The following CRB1 variants were observed in gnomAD, a reference collection of about 807,000 sequenced individuals.
CRB1 encodes crumbs cell polarity complex component 1.
CRB1 carries 83 observed loss-of-function variants against 120.0 expected under a neutral mutation model. That is an observed-to-expected ratio of 0.69 (90% CI 0.58 to 0.83). The LOEUF is 0.83. Among genes scored for constraint, CRB1 ranks in the 40% least tolerant of loss-of-function variants. The probability of loss-of-function intolerance (pLI) is 0.00; values close to 1 mark genes in which losing one functional copy is unlikely to be tolerated. For synonymous variants in CRB1, 625 were observed against 612.5 expected (o/e 1.02, Z -0.30); for missense variants, 1,699 against 1,687.6 (o/e 1.01, Z -0.12).
At chr1:197,451,889 T>C (rs573315291) in intron 11 of CRB1, among the ~76,000 whole-genome samples, 1 of 152,330 alleles carries the variant, frequency 6.6e-6, no homozygotes, top group East Asian at 1.9e-4. Context: ...CCACTACATA[T>C]GCCACTGAAA....
At chr1:197,202,162 A>G in the CRB1 span, among the ~76,000 whole-genome samples, 70 of 152,244 alleles carry the variant, frequency 4.6e-4, no homozygotes, top group Non-Finnish European at 8.2e-4. Context: ...CGTCCCTCCC[A>G]TACACATACA....
At chr1:197,347,308 G>T (rs1659832181) in intron 3 of CRB1, 32 bp from the exon 4 acceptor site, 1 of 1,598,674 alleles carries the variant, frequency 6.3e-7, no homozygotes, top group African/African-American at 1.3e-5. Context: ...ATATGACTAA[G>T]AGTTGACATG....
chr1:197,221,589 G>A, the CRB1 span, among the ~76,000 whole-genome samples: 37 of 152,096 alleles, frequency 2.4e-4, no homozygotes, highest in Non-Finnish European at 5.9e-5. Flanking sequence ...TTTGCCTGAC[G>A]AATTTAAAAA....
rs78845857 is a variant in CRB1, at chr1:197,275,735, G to T, written c.70+7253G>T. On this transcript the variant is annotated intron_variant, in intron 1 of 11. Coordinates refer to ENST00000367400, the MANE Select transcript of CRB1 (RefSeq NM_201253.3). ...CAAATAGTTTAGCTGTCTTCCATAT[G>T]TGAATGTTCAATTTTTTAACCTACT... Among the ~76,000 whole-genome samples the T allele has an allele frequency of 7.1e-3, 1,078 of 152,042 alleles. 16 individuals carry two copies. The highest frequency in any genetic ancestry group is 0.022 in the African/African-American group (931 of 41,512).
chr1:197,359,875 T>C (rs938702211), intron 5 of CRB1, among the ~76,000 whole-genome samples: 3 of 152,234 alleles, frequency 2.0e-5, no homozygotes, highest in Non-Finnish European at 4.4e-5. Context: ...TATATGTGCT[T>C]GTTTGACATC....
intron 4 of CRB1, among the ~76,000 whole-genome samples, chr1:197,351,533 T>C (rs986295013): frequency 6.6e-6 from 1 of 152,160 alleles, no homozygotes; most frequent in Non-Finnish European, 1.5e-5. Flanking sequence ...AAACTCCATA[T>C]CTGCCCTGCC....
chr1:197,279,431 G>A (rs970821685), intron 1 of CRB1, among the ~76,000 whole-genome samples: 24 of 151,170 alleles, frequency 1.6e-4, no homozygotes, highest in Admixed American at 6.6e-4. Context: ...AATAATTAAA[G>A]CATTACTTTC....
chr1:197,307,473 T>C (rs1183970225), intron 1 of CRB1, among the ~76,000 whole-genome samples: 12 of 152,172 alleles, frequency 7.9e-5, no homozygotes, highest in Non-Finnish European at 5.9e-5. Context: ...GTTTTGGCCA[T>C]TGAGGTCTGA....
intron 5 of CRB1, among the ~76,000 whole-genome samples, chr1:197,401,785 T>G (rs539974464): frequency 6.6e-6 from 1 of 152,254 alleles, no homozygotes; most frequent in East Asian, 1.9e-4. Flanking sequence ...GCACTTATCA[T>G]AAGTAGTATC....
intron 6 of CRB1, among the ~76,000 whole-genome samples, chr1:197,426,599 C>A (rs1664592836): frequency 6.6e-6 from 1 of 152,046 alleles, no homozygotes; most frequent in Non-Finnish European, 1.5e-5. Flanking sequence ...TGAGGTGATG[C>A]ACATCAATAG....
At position 197,328,721 on chromosome 1, in the gene CRB1, A is replaced by T. The variant is rs761952087; in HGVS notation, c.370A>T (p.Ile124Phe). 3 of 1,612,402 alleles carry T rather than the reference A, an allele frequency of 1.9e-6. No individual in the cohort carries two copies. The highest frequency in any genetic ancestry group is 3.3e-5 in the Admixed American group (2 of 59,950). Residue 124 changes from isoleucine (I) to phenylalanine (F), a missense_variant, in exon 2 of 12, where the codon ATT becomes TTT. Physicochemically the swap from Ile to Phe is conservative, Grantham distance 21 (BLOSUM62 0). Coordinates refer to ENST00000367400, the MANE Select transcript of CRB1 (RefSeq NM_201253.3). Reference protein sequence around the residue: ...CGKNSCQHGGICHQDPIYPVC... With the variant: ...CGKNSCQHGGFCHQDPIYPVC... Reference sequence around the variant, plus strand: ...CAAGAACTCCTGCCAACATGGAGGTATTTGCCATCAGGACCCTATTTATCC... The same window carrying T: ...CAAGAACTCCTGCCAACATGGAGGTTTTTGCCATCAGGACCCTATTTATCC...
At chr1:197,464,146 T>C (rs1181302869) in intron 11 of CRB1, among the ~76,000 whole-genome samples, 1 of 152,178 alleles carries the variant, frequency 6.6e-6, no homozygotes. Context: ...AAGTTGTAGC[T>C]CCTCCTCGTG....
chr1:197,454,129 T>C (rs1472710623), intron 11 of CRB1, among the ~76,000 whole-genome samples: 3 of 151,280 alleles, frequency 2.0e-5, no homozygotes. Context: ...CCCAGTGGTA[T>C]AAAATTTTAA....
chr1:197,436,685 T>C (rs1010677334), intron 9 of CRB1, among the ~76,000 whole-genome samples: 34 of 152,290 alleles, frequency 2.2e-4, no homozygotes, highest in African/African-American at 7.7e-4. Context: ...AAAACTAGTA[T>C]TTGAAGTCAT....
At chr1:197,329,123 G>C in intron 2 of CRB1, 120 bp downstream of exon 2, 1 of 873,228 alleles carries the variant, frequency 1.1e-6, no homozygotes, top group Non-Finnish European at 1.8e-6. Flanking sequence ...TTCTTGACAG[G>C]AATCAATCAC....
At chr1:197,239,351 A>G in the CRB1 span, among the ~76,000 whole-genome samples, 2 of 152,032 alleles carry the variant, frequency 1.3e-5, no homozygotes, top group Non-Finnish European at 2.9e-5. Context: ...ACACTTGTCT[A>G]TTTGTCTTTC....
intron 2 of CRB1, among the ~76,000 whole-genome samples, chr1:197,333,837 A>G (rs888252907): frequency 6.6e-6 from 1 of 152,188 alleles, no homozygotes; most frequent in African/African-American, 2.4e-5. Flanking sequence ...CTGGCCTGGG[A>G]GAGTGGCCAT....
the CRB1 span, among the ~76,000 whole-genome samples, chr1:197,235,144 A>G: frequency 2.0e-5 from 3 of 152,208 alleles, no homozygotes; most frequent in Non-Finnish European, 4.4e-5. Flanking sequence ...GGGTAAAAGT[A>G]GGAGTGGCCC....
the CRB1 span, among the ~76,000 whole-genome samples, chr1:197,202,466 C>T: frequency 1.3e-5 from 2 of 151,824 alleles, no homozygotes; most frequent in African/African-American, 4.8e-5. Flanking sequence ...GCAGATATTG[C>T]AATTATCAGA....
Sources: gnomAD v4.1 joint callset for allele counts (sites outside exome capture counted in the v4.1 genomes callset) on GRCh38, gnomAD v4.1.1 for gene constraint, MANE v1.5 for transcripts, NCBI Gene and HGNC (gene_info 2026-07-23, HGNC 2026-07-21) for gene names.